The following LY9 variants were observed in gnomAD, a reference collection of about 807,000 sequenced individuals.
LY9 encodes lymphocyte antigen 9.
In LY9, 59 loss-of-function variants were observed where a neutral mutation model predicts 64.6. That is an observed-to-expected ratio of 0.91 (90% CI 0.74 to 1.13). The LOEUF (loss-of-function observed/expected upper bound fraction) is 1.13. Ranked by LOEUF, LY9 falls within the 50% of genes most tolerant of loss-of-function variation. The probability of loss-of-function intolerance (pLI) is 0.00; values close to 1 mark genes in which losing one functional copy is unlikely to be tolerated. For synonymous variants in LY9, 281 were observed against 308.5 expected, an observed-to-expected ratio of 0.91 and a Z score of 0.93; for missense variants, 789 against 797.2, an observed-to-expected ratio of 0.99 and a Z score of 0.12.
At chr1:160,822,516 C>T (rs1226670547) in intron 7 of LY9, among the ~76,000 whole-genome samples, 2 of 152,186 alleles carry the variant, frequency 1.3e-5, no homozygotes, top group Non-Finnish European at 2.9e-5. Context: ...TTAGTCCCTG[C>T]TGGTGTTCAC....
intron 2 of LY9, among the ~76,000 whole-genome samples, chr1:160,801,350 G>A (rs1324628136): frequency 3.3e-5 from 5 of 152,168 alleles, no homozygotes; most frequent in African/African-American, 1.2e-4. Flanking sequence ...TTGGTCATGT[G>A]TATGTCTTCT....
intron 9 of LY9, 63 bp downstream of exon 9, chr1:160,824,312 C>A: frequency 6.3e-7 from 1 of 1,595,346 alleles, no homozygotes. Context: ...TCCTTAGACC[C>A]TTTGAACTGA....
chr1:160,820,217 G>T (rs1005989139), intron 7 of LY9, among the ~76,000 whole-genome samples: 2 of 152,194 alleles, frequency 1.3e-5, no homozygotes, highest in African/African-American at 2.4e-5. Flanking sequence ...AACTTCAGGA[G>T]ACTGTACAAC....
chr1:160,798,264 G>A (rs1666089213), intron 1 of LY9, among the ~76,000 whole-genome samples: 1 of 152,100 alleles, frequency 6.6e-6, no homozygotes, highest in Non-Finnish European at 1.5e-5. Flanking sequence ...CCAGGATACA[G>A]ATGGGCAGTA....
chr1:160,814,268 G>A (rs1056230863), intron 3 of LY9, 152 bp from the exon 4 acceptor site: 1 of 647,720 alleles, frequency 1.5e-6, no homozygotes, highest in South Asian at 1.9e-5. Context: ...GGTGGTCATG[G>A]AGAAGTAGCA....
chr1:160,802,899 C>T (rs1666638829), intron 2 of LY9, among the ~76,000 whole-genome samples: 1 of 152,064 alleles, frequency 6.6e-6, no homozygotes. Flanking sequence ...ATACTGAAGT[C>T]GAGTAATGTG....
chr1:160,826,208 T>A lies in LY9; in HGVS notation c.1900-1540T>A, dbSNP rs1668843511. ...TATGTATACTATTCATTAAGTGGAA[T>A]TGGATCATTGTAAAGGTCTTCATCC... On this transcript the variant is annotated intron_variant, in intron 9 of 9. Coordinates refer to ENST00000263285, the MANE Select transcript of LY9 (RefSeq NM_002348.4). 2.6e-5 allele frequency among the ~76,000 whole-genome samples: 4 copies of A among 152,278 alleles called. No individual in the cohort carries two copies. The South Asian group carries it at 8.3e-4, about 32-fold the overall frequency.
At chr1:160,807,243 G>A (rs1296510175) in intron 2 of LY9, among the ~76,000 whole-genome samples, 1 of 152,010 alleles carries the variant, frequency 6.6e-6, no homozygotes, top group Admixed American at 6.6e-5. Flanking sequence ...CTGAATATGT[G>A]TCTATTGTGT....
chr1:160,798,575 C>A (rs1437541837), intron 1 of LY9, among the ~76,000 whole-genome samples: 3 of 152,166 alleles, frequency 2.0e-5, no homozygotes, highest in African/African-American at 7.2e-5. Context: ...CCTGACCCAA[C>A]CTTCTCATGT....
At chr1:160,798,573 A>G (rs1379511768) in intron 1 of LY9, among the ~76,000 whole-genome samples, 1 of 152,080 alleles carries the variant, frequency 6.6e-6, no homozygotes, top group Non-Finnish European at 1.5e-5. Flanking sequence ...CACCTGACCC[A>G]ACCTTCTCAT....
Position 160,816,858 on chromosome 1 carries a change from GT to G in LY9, c.1339del (p.Ser447GlnfsTer15). 6.2e-7 allele frequency: 1 copy of G among 1,614,184 alleles called. No homozygotes were observed. The highest frequency in any genetic ancestry group is 1.3e-5 in the African/African-American group (1 of 75,044). ...CACCAGTTTCTTTCTGAGAACATCT[GT>G]TCAGGTTTCTCTCCATCTCTATTTA... is the stretch of plus-strand genomic sequence containing the variant. ...SSHQFLSENI[C>X]SGPERNTKLW... On this transcript the variant is annotated frameshift_variant, in exon 5 of 10. Transcript: ENST00000263285. LOFTEE classifies it high-confidence loss of function.
At chr1:160,820,591 A>C (rs1323845685) in intron 7 of LY9, among the ~76,000 whole-genome samples, 2 of 152,052 alleles carry the variant, frequency 1.3e-5, no homozygotes, top group Non-Finnish European at 2.9e-5. Flanking sequence ...TGGACTATGA[A>C]GCTCCCCATC....
At chr1:160,821,241 C>T (rs1316103122) in intron 7 of LY9, among the ~76,000 whole-genome samples, 2 of 151,358 alleles carry the variant, frequency 1.3e-5, no homozygotes, top group Non-Finnish European at 2.9e-5. Context: ...CTAAGTCTCT[C>T]CCCCAAGAGA....
At chr1:160,804,402 C>T (rs537002257) in intron 2 of LY9, among the ~76,000 whole-genome samples, 7 of 152,310 alleles carry the variant, frequency 4.6e-5, no homozygotes, top group African/African-American at 1.7e-4. Context: ...TATTGATTTA[C>T]ATACGTTAAA....
chr1:160,802,323 C>A, intron 2 of LY9: 1 of 988,920 alleles, frequency 1.0e-6, no homozygotes, highest in Non-Finnish European at 1.2e-6. Flanking sequence ...TCCTGGATGT[C>A]CCCTGCAGGC....
In LY9 at chr1:160,827,958, C is replaced by A. The variant is rs878906830; in HGVS notation, c.*142C>A. On this transcript the variant is annotated 3_prime_UTR_variant, in exon 10 of 10. Coordinates refer to ENST00000263285, the MANE Select transcript of LY9 (RefSeq NM_002348.4). ...AGATGCCTGGATGTGGCCCCTCCCC[C>A]TCCTTCTCACCCTTAAGGACTCCCA... The A allele has an allele frequency of 4.9e-5, 31 of 638,964 alleles. No homozygotes were observed. In the South Asian group the frequency reaches 5.4e-4, roughly 11 times the overall value. 39.6% of individuals were successfully genotyped at this position (638,964 alleles called of 1,614,324 possible). A position where few individuals can be genotyped will look rare whatever the true frequency, so the allele number is the denominator to read the frequency against.
rs1666532890 is a variant in LY9 at position 160,801,972 on chromosome 1, G to A, written c.454+1890G>A. ...GCTCCGCCATCCCCACCTCACCGCC[G>A]CGCAGCAGAGCTGGAAGGGTCCTGC... On this transcript the variant is annotated intron_variant, in intron 2 of 9. Transcript: ENST00000263285. 10 of 1,590,800 alleles carry A rather than the reference G, an allele frequency of 6.3e-6. No individual in the cohort carries two copies. In the East Asian group the frequency reaches 1.1e-4, roughly 18 times the overall value.
chr1:160,814,909 T>C, intron 4 of LY9, 148 bp downstream of exon 4: 1 of 654,174 alleles, frequency 1.5e-6, no homozygotes, highest in Non-Finnish European at 2.6e-6. Flanking sequence ...TTCACACCAG[T>C]TGATTCATAG....
chr1:160,813,290 T>G, intron 2 of LY9: 1 of 282,496 alleles, frequency 3.5e-6, no homozygotes. Flanking sequence ...ATTCACCTAT[T>G]TATTCATTGA....
Sources: allele counts gnomAD v4.1 joint callset (sites outside exome capture counted in the v4.1 genomes callset), GRCh38; gene constraint gnomAD v4.1.1; transcripts MANE v1.5; gene names NCBI Gene and HGNC (gene_info 2026-07-23, HGNC 2026-07-21).